ZNF418: variants seen among roughly 807,000 people sequenced by gnomAD.
ZNF418 encodes the protein zinc finger protein 418.
In ZNF418, 32 loss-of-function variants were observed where a neutral mutation model predicts 32.0. The observed-to-expected ratio is 1.00, with a 90% CI of 0.75 to 1.34. The LOEUF is 1.34. Ranked by LOEUF, ZNF418 falls within the 40% of genes most tolerant of loss-of-function variation. The probability of loss-of-function intolerance (pLI) is 0.00; values close to 1 mark genes in which losing one functional copy is unlikely to be tolerated. For synonymous variants in ZNF418, 276 were observed against 270.7 expected (o/e 1.02, Z -0.19); for missense variants, 804 against 812.5 (o/e 0.99, Z 0.13).
Position 57,927,396 on chromosome 19 carries a change from T to G in ZNF418, c.785A>C (p.Glu262Ala), listed in dbSNP as rs997534848. 1 of 1,614,024 alleles carries G rather than the reference T, an allele frequency of 6.2e-7. No homozygotes were observed. The highest frequency in any genetic ancestry group is 1.7e-5 in the Admixed American group (1 of 60,000). Residue 262 changes from glutamate (E) to alanine (A), a missense_variant, in exon 4 of 6, where the codon GAA (glutamate) becomes GCA (alanine). Around this residue, in one of 3 missense-constraint regions of ZNF418, gnomAD observed 22 missense variants for 49.0 expected, o/e 0.45. Coordinates refer to ENST00000396147, the MANE Select transcript of ZNF418 (RefSeq NM_133460.3). ...CTTATGACTAAAAGATTTCCCACAT[T>G]CTCCACATTCATAAGGTCTTTTCCC... ...HTGKRPYECG[E>A]CGKSFSHKGS... is the part of the protein sequence containing the mutation.
rs760193245 is a variant in ZNF418 at position 57,927,569 on chromosome 19, G to C, written c.612C>G (p.Ser204Arg). ...SPFQWGDTHY[S>R]CGECMKHSST... Reference sequence around the variant, plus strand: ...TAGAATGTTTCATGCATTCTCCACAGCTGTAATGAGTATCTCCCCACTGAA... The same window carrying C: ...TAGAATGTTTCATGCATTCTCCACACCTGTAATGAGTATCTCCCCACTGAA... The change falls in exon 4 of 6, where the codon AGC becomes AGG. Residue 204 changes from serine (S) to arginine (R), a missense_variant. Coordinates refer to ENST00000396147, the MANE Select transcript of ZNF418 (RefSeq NM_133460.3). 1 of 1,614,230 alleles carries C rather than the reference G, an allele frequency of 6.2e-7. No homozygotes were observed.
rs898928357 is a variant in ZNF418 at position 57,930,478 on chromosome 19, C to A, written c.83G>T (p.Cys28Phe). The A allele has an allele frequency of 1.5e-5, 24 of 1,614,022 alleles. No homozygotes were observed. Among genetic ancestry groups the A allele is most frequent in the East Asian group, 2.2e-5 (1 of 44,874 alleles). ...EWSLLSEVQR[C>F]LYHDVMLENW... ...CTCCAGCATCACGTCATGGTAAAGGCATCTCTGAACCTCACTAAGGAGACT... is the reference window on the plus strand; with the variant it reads ...CTCCAGCATCACGTCATGGTAAAGGAATCTCTGAACCTCACTAAGGAGACT... Residue 28 changes from cysteine (C) to phenylalanine (F), a missense_variant, in exon 3 of 6, where the codon TGC becomes TTC. This residue lies in a region of ZNF418 where 307 missense variants were observed against 304.9 expected (regional missense o/e 1.01). Transcript: ENST00000396147.
rs1884427668 is a variant in ZNF418, at chr19:57,925,910, G to A, written c.*240C>T. 3.8e-6 allele frequency: 2 copies of A among 526,748 alleles called. No homozygotes were observed. 32.6% of individuals were successfully genotyped at this position (526,748 alleles called of 1,614,324 possible). ...ACAAGAAATAATATTTCCTGTACGT[G>A]TACAGTGTTTTCCTTATGAGAACAA... On this transcript the variant is annotated 3_prime_UTR_variant, in exon 4 of 6. Transcript: ENST00000396147.
intron 1 of ZNF418, 106 bp from the exon 2 acceptor site, chr19:57,934,008 T>C (rs1272601704): frequency 6.6e-6 from 10 of 1,519,516 alleles, no homozygotes; most frequent in African/African-American, 1.4e-5. Flanking sequence ...AACTCTGTAG[T>C]TAACCTTCAA....
In ZNF418 at chr19:57,935,324, G is replaced by T; in HGVS notation, c.-244C>A. 1 of 804,304 alleles carries T rather than the reference G, an allele frequency of 1.2e-6. No homozygotes were observed. The allele number at this position is 804,304 out of a possible 1,614,324, so 49.8% of individuals were successfully genotyped here. A position where few individuals can be genotyped will look rare whatever the true frequency, so the allele number is the denominator to read the frequency against. On this transcript the variant is annotated 5_prime_UTR_variant, in exon 1 of 6. It adds an upstream start codon to the 5' untranslated region. Coordinates refer to ENST00000396147, the MANE Select transcript of ZNF418 (RefSeq NM_133460.3). The stretch of plus-strand genomic sequence containing the variant: ...ACCGCGGTTCGGACCCATAGCTCCA[G>T]CGCCTCTCACCTCACAAACCGCAGA...
intron 3 of ZNF418, among the ~76,000 whole-genome samples, chr19:57,928,727 C>T (rs2072353469): frequency 6.6e-6 from 1 of 152,108 alleles, no homozygotes; most frequent in Non-Finnish European, 1.5e-5. Context: ...GGTGCGGTGG[C>T]TCACACCTGT....
chr19:57,927,435 T>C lies in ZNF418; in HGVS notation c.746A>G (p.Gln249Arg). Residue 249 changes from glutamine (Q) to arginine (R), a missense_variant, in exon 4 of 6, where the codon CAG (glutamine) becomes CGG (arginine). Gln to Arg is a conservative substitution (Grantham distance 43). Transcript: ENST00000396147. ...AGGTCTTTTCCCAGTGTGAACTCTCTGATGATTACTGACGCTATCATATTT... is the reference window on the plus strand; with the variant it reads ...AGGTCTTTTCCCAGTGTGAACTCTCCGATGATTACTGACGCTATCATATTT... ...FSKYDSVSNH[Q>R]RVHTGKRPYE... 1 of 1,614,262 alleles carries C rather than the reference T, an allele frequency of 6.2e-7. No individual in the cohort carries two copies. Among genetic ancestry groups the C allele is most frequent in the Non-Finnish European group, 8.5e-7 (1 of 1,180,056 alleles).
At chr19:57,933,720 C>CAA in intron 2 of ZNF418, 97 bp downstream of exon 2, 29 of 1,241,846 alleles carry the variant, frequency 2.3e-5, no homozygotes, top group South Asian at 1.1e-4. Flanking sequence ...GACTCCCGCT[C>CAA]AAAAAAAAAA....
At chr19:57,930,749 TA>T (rs2072452012) in intron 2 of ZNF418, among the ~76,000 whole-genome samples, 195 bp from the exon 3 acceptor site, 1 of 151,862 alleles carries the variant, frequency 6.6e-6, no homozygotes. Context: ...AATTAAGAAG[TA>T]GGGGAAAAAT....
rs2072199983 is a variant in ZNF418 at position 57,925,982 on chromosome 19, C to T, written c.*168G>A. The T allele has an allele frequency of 1.5e-5, 9 of 601,434 alleles. No homozygotes were observed. The highest frequency in any genetic ancestry group is 2.6e-5 in the Non-Finnish European group (9 of 343,756). The allele number at this position is 601,434 out of a possible 1,614,324, so 37.3% of individuals were successfully genotyped here. ...GCAGAAGGCTTTCTCACATTCATCG[C>T]ACTCAAGAGGCCCTTCTGCAGTGGG... On this transcript the variant is annotated 3_prime_UTR_variant, in exon 4 of 6. Transcript: ENST00000396147.
At chr19:57,928,923 G>A (rs1039325744) in intron 3 of ZNF418, among the ~76,000 whole-genome samples, 1 of 152,138 alleles carries the variant, frequency 6.6e-6, no homozygotes, top group African/African-American at 2.4e-5. Flanking sequence ...GAACCCAGGA[G>A]GTGGAGCTTG....
chr19:57,935,327 C>A lies in ZNF418; in HGVS notation c.-247G>T. The A allele has an allele frequency of 2.7e-6, 2 of 754,520 alleles. No homozygotes were observed. The highest frequency in any genetic ancestry group is 4.1e-5 in the South Asian group (1 of 24,346). The allele number at this position is 754,520 out of a possible 1,614,324, so 46.7% of individuals were successfully genotyped here. A position where few individuals can be genotyped will look rare whatever the true frequency, so the allele number is the denominator to read the frequency against. On this transcript the variant is annotated 5_prime_UTR_variant, in exon 1 of 6. Coordinates refer to ENST00000396147, the MANE Select transcript of ZNF418 (RefSeq NM_133460.3). ...GCGGTTCGGACCCATAGCTCCAGCG[C>A]CTCTCACCTCACAAACCGCAGAAAC... is the stretch of plus-strand genomic sequence containing the variant.
rs1351080196 is a variant in ZNF418, at chr19:57,926,413, G to A, written c.1768C>T (p.Pro590Ser). 5.6e-6 allele frequency: 9 copies of A among 1,614,022 alleles called. No individual in the cohort carries two copies. The African/African-American group carries it at 8.0e-5, about 14-fold the overall frequency. ...EHRRVHTGER[P>S]YECRECGKTF... ...TTTCCACATTCCCTGCATTCATAAG[G>A]CCTTTCTCCAGTGTGAACTCTCCTG... Residue 590 changes from proline to serine, a missense_variant, in exon 4 of 6, where the codon CCT (proline) becomes TCT (serine). Coordinates refer to ENST00000396147, the MANE Select transcript of ZNF418 (RefSeq NM_133460.3).
rs367567203 is a variant in ZNF418, at chr19:57,925,279, A to T, written c.*527+344T>A. On this transcript the variant is annotated intron_variant, in intron 4 of 5. Coordinates refer to ENST00000396147, the MANE Select transcript of ZNF418 (RefSeq NM_133460.3). ...ATCGAGACCATCCTGGCTAACACGG[A>T]GAAACCCCATTTCTACTAAAAATAC... 8.0e-4 allele frequency among the ~76,000 whole-genome samples: 121 copies of T among 152,124 alleles called. 1 individual carries two copies. The highest frequency in any genetic ancestry group is 2.7e-3 in the African/African-American group (114 of 41,522).
rs1333816402 is a variant in ZNF418 at position 57,934,023 on chromosome 19, T to C, written c.-80-121A>G. 24 of 1,488,740 alleles carry C rather than the reference T, an allele frequency of 1.6e-5. 1 individual carries two copies. In the Admixed American group the frequency reaches 4.4e-4, roughly 28 times the overall value. 92.2% of individuals were successfully genotyped at this position (1,488,740 alleles called of 1,614,324 possible). ...AACTCTGTAGTTAACCTTCAAAGTATGTTTACATGGGTTGACAGAAATGGG... is the reference window on the plus strand; with the variant it reads ...AACTCTGTAGTTAACCTTCAAAGTACGTTTACATGGGTTGACAGAAATGGG... On this transcript the variant is annotated intron_variant, in intron 1 of 5. Coordinates refer to ENST00000396147, the MANE Select transcript of ZNF418 (RefSeq NM_133460.3).
At chr19:57,922,997 C>CAA (rs34078539) in intron 5 of ZNF418, among the ~76,000 whole-genome samples, 195 bp downstream of exon 5, 105 of 84,466 alleles carry the variant, frequency 1.2e-3, no homozygotes, top group Middle Eastern at 6.7e-3. Context: ...GACACTGTCT[C>CAA]AAAAAAAAAA....
In ZNF418 at chr19:57,927,799, G is replaced by T. The variant is rs749388698; in HGVS notation, c.382C>A (p.Gln128Lys). ...KLYDSSNRPH[Q>K]NQYLGEKPYR... The stretch of plus-strand genomic sequence containing the variant: ...GGTTTCTCTCCAAGGTACTGATTCT[G>T]GTGCGGACGGTTTGAACTATCATAC... The change falls in exon 4 of 6, where the codon CAG becomes AAG. Residue 128 changes from glutamine to lysine, a missense_variant. By Grantham distance (53) the Gln-to-Lys change is moderately conservative. This residue lies in a region of ZNF418 where 307 missense variants were observed against 304.9 expected (regional missense o/e 1.01). Transcript: ENST00000396147. The T allele has an allele frequency of 6.2e-7, 1 of 1,614,046 alleles. No individual in the cohort carries two copies. The highest frequency in any genetic ancestry group is 1.3e-5 in the African/African-American group (1 of 74,916).
rs530748677 is a variant in ZNF418, at chr19:57,932,359, G to A, written c.6+1458C>T. ...CACATCACATTGGCCTTTCATTTTCGGCCTTATGCCACAATGTGGCTGACA... is the reference window on the plus strand; with the variant it reads ...CACATCACATTGGCCTTTCATTTTCAGCCTTATGCCACAATGTGGCTGACA... On this transcript the variant is annotated intron_variant, in intron 2 of 5. Coordinates refer to ENST00000396147, the MANE Select transcript of ZNF418 (RefSeq NM_133460.3). 51 of 1,439,538 alleles carry A rather than the reference G, an allele frequency of 3.5e-5. 1 individual carries two copies. The highest frequency in any genetic ancestry group is 2.0e-4 in the Admixed American group (10 of 50,810). The allele number at this position is 1,439,538 out of a possible 1,614,324, so 89.2% of individuals were successfully genotyped here. A position where few individuals can be genotyped will look rare whatever the true frequency, so the allele number is the denominator to read the frequency against.
intron 1 of ZNF418, 75 bp downstream of exon 1, chr19:57,935,086 A>C: frequency 7.6e-7 from 1 of 1,316,402 alleles, no homozygotes; most frequent in Non-Finnish European, 9.8e-7. Flanking sequence ...AGACCTGTGA[A>C]CAGTCGCCGC....
Sources: allele counts gnomAD v4.1 joint callset (sites outside exome capture counted in the v4.1 genomes callset), GRCh38; gene constraint gnomAD v4.1.1; regional missense constraint gnomAD v4.1.1; transcripts MANE v1.5; gene names NCBI Gene and HGNC (gene_info 2026-07-23, HGNC 2026-07-21).